Variants in PLCE1 observed in about 807,000 individuals in gnomAD.
PLCE1 encodes 1-phosphatidylinositol 4,5-bisphosphate phosphodiesterase epsilon-1.
A neutral mutation model predicts 242.8 loss-of-function variants in PLCE1; 119 were observed. The ratio of observed to expected loss-of-function variants is 0.49; its 90% CI spans 0.42 to 0.57. The LOEUF (loss-of-function observed/expected upper bound fraction) is 0.57, where lower values mean the gene tolerates loss of function less well. PLCE1 is among the 20% of genes least tolerant of loss of function. The probability of loss-of-function intolerance (pLI) is 0.00; values close to 1 mark genes in which losing one functional copy is unlikely to be tolerated. For missense variants in PLCE1, 2,441 were observed against 2,788.8 expected (o/e 0.88, Z 2.81); for synonymous variants, 945 against 1,017.4 (o/e 0.93, Z 1.35).
At chr10:94,231,873 C>T (rs2050158152) in intron 5 of PLCE1, among the ~76,000 whole-genome samples, 1 of 152,196 alleles carries the variant, frequency 6.6e-6, no homozygotes. Context: ...AGCTGTAATG[C>T]TTGCTTGCCC....
chr10:94,088,397 A>T (rs572544488), intron 2 of PLCE1, among the ~76,000 whole-genome samples: 9 of 152,326 alleles, frequency 5.9e-5, no homozygotes, highest in Admixed American at 3.3e-4. Flanking sequence ...TCTCTCTTCC[A>T]AGCAGGTGCT....
At chr10:94,033,020 T>G (rs1023515026) in intron 2 of PLCE1, among the ~76,000 whole-genome samples, 1 of 152,114 alleles carries the variant, frequency 6.6e-6, no homozygotes, top group Non-Finnish European at 1.5e-5. Context: ...TACAATCTAA[T>G]ACACTGTAAC....
intron 8 of PLCE1, among the ~76,000 whole-genome samples, chr10:94,247,644 G>A (rs932142953): frequency 6.6e-6 from 1 of 152,186 alleles, no homozygotes; most frequent in Non-Finnish European, 1.5e-5. Context: ...TTTTCCAAAT[G>A]TGGGATAATT....
intron 32 of PLCE1, among the ~76,000 whole-genome samples, chr10:94,326,710 T>TTGA (rs899952047): frequency 3.2e-4 from 49 of 152,332 alleles, no homozygotes; most frequent in African/African-American, 2.6e-4. Flanking sequence ...GGGAGGGTGA[T>TTGA]TGATAGTGAT....
intron 13 of PLCE1, 36 bp downstream of exon 13, chr10:94,259,186 A>G (rs1163419925): frequency 1.9e-6 from 3 of 1,610,090 alleles, no homozygotes; most frequent in Non-Finnish European, 1.7e-6. Flanking sequence ...CTTTGGGATC[A>G]ATCTGTCTAA....
chr10:94,274,596 C>T (rs534566245), intron 19 of PLCE1, among the ~76,000 whole-genome samples: 1 of 152,110 alleles, frequency 6.6e-6, no homozygotes, highest in Non-Finnish European at 1.5e-5. Flanking sequence ...TGTGAGGAGC[C>T]AGCTGGATAC....
chr10:94,022,245 A>G (rs1291986337), intron 1 of PLCE1, among the ~76,000 whole-genome samples: 1 of 152,016 alleles, frequency 6.6e-6, no homozygotes, highest in Non-Finnish European at 1.5e-5. Flanking sequence ...GTGTATTAGC[A>G]ACAACCAACT....
intron 2 of PLCE1, among the ~76,000 whole-genome samples, chr10:94,121,895 C>A (rs894533410): frequency 1.3e-5 from 2 of 152,142 alleles, no homozygotes; most frequent in Non-Finnish European, 2.9e-5. Context: ...ATGACCAAGG[C>A]CCTGGGAGCC....
At chr10:94,296,158 C>T (rs965310162) in intron 23 of PLCE1, among the ~76,000 whole-genome samples, 16 of 151,794 alleles carry the variant, frequency 1.1e-4, no homozygotes, top group African/African-American at 3.4e-4. Flanking sequence ...GTCAGGAGAT[C>T]GAGACCATCC....
intron 2 of PLCE1, among the ~76,000 whole-genome samples, chr10:94,071,830 C>T (rs1278622851): frequency 6.6e-6 from 1 of 152,024 alleles, no homozygotes; most frequent in East Asian, 1.9e-4. Flanking sequence ...GTGCTCCCCT[C>T]CCCCTCTATT....
chr10:94,009,769 A>G (rs1226658096), intron 1 of PLCE1, among the ~76,000 whole-genome samples: 2 of 152,216 alleles, frequency 1.3e-5, no homozygotes, highest in Non-Finnish European at 2.9e-5. Flanking sequence ...CTCCAATATA[A>G]TCCTTGACTC....
chr10:94,106,743 T>C (rs768016917), intron 2 of PLCE1, among the ~76,000 whole-genome samples: 1 of 152,156 alleles, frequency 6.6e-6, no homozygotes, highest in South Asian at 2.1e-4. Flanking sequence ...GGGAATTGAA[T>C]GCTTCCTTCT....
chr10:94,158,091 T>A (rs1432224596), intron 3 of PLCE1, among the ~76,000 whole-genome samples: 1 of 152,204 alleles, frequency 6.6e-6, no homozygotes, highest in Non-Finnish European at 1.5e-5. Context: ...TTATAATTTA[T>A]TTATGATGAT....
intron 1 of PLCE1, among the ~76,000 whole-genome samples, chr10:94,030,354 A>C (rs1399019566): frequency 2.6e-5 from 4 of 151,762 alleles, no homozygotes; most frequent in Middle Eastern, 3.4e-3. Flanking sequence ...GGGCATTTAT[A>C]GGGCTCACTT....
At chr10:94,036,808 G>T (rs1156512635) in intron 2 of PLCE1, among the ~76,000 whole-genome samples, 1 of 152,152 alleles carries the variant, frequency 6.6e-6, no homozygotes, top group Non-Finnish European at 1.5e-5. Context: ...CTTCTGCCTT[G>T]CTGGAATTGC....
At chr10:94,052,329 A>T (rs2043787634) in intron 2 of PLCE1, among the ~76,000 whole-genome samples, 1 of 152,168 alleles carries the variant, frequency 6.6e-6, no homozygotes, top group African/African-American at 2.4e-5. Context: ...CAAATCTTTG[A>T]GAAAAGGTAA....
intron 3 of PLCE1, among the ~76,000 whole-genome samples, chr10:94,133,592 C>T (rs117088429): frequency 1.6e-4 from 24 of 152,306 alleles, no homozygotes; most frequent in Non-Finnish European, 2.5e-4. Flanking sequence ...CCTCAGCCTT[C>T]TCCATTCCTA....
intron 19 of PLCE1, among the ~76,000 whole-genome samples, chr10:94,277,496 C>A (rs906103542): frequency 7.2e-5 from 11 of 152,136 alleles, no homozygotes; most frequent in African/African-American, 2.7e-4. Flanking sequence ...TCTCCTTGAG[C>A]ATCTTGGGGG....
intron 2 of PLCE1, among the ~76,000 whole-genome samples, chr10:94,087,101 C>G (rs1198091745): frequency 6.6e-6 from 1 of 151,926 alleles, no homozygotes; most frequent in Non-Finnish European, 1.5e-5. Context: ...TAATCCCAGC[C>G]CTTTGGGAGG....
Sources: allele counts gnomAD v4.1 joint callset (sites outside exome capture counted in the v4.1 genomes callset), GRCh38; gene constraint gnomAD v4.1.1; transcripts MANE v1.5; gene names NCBI Gene and HGNC (gene_info 2026-07-23, HGNC 2026-07-21).